MAGI2: variants seen among roughly 807,000 people sequenced by gnomAD.
MAGI2 encodes the protein membrane-associated guanylate kinase, WW and PDZ domain-containing protein 2.
In MAGI2, 35 loss-of-function variants were observed where a neutral mutation model predicts 133.3. The observed-to-expected ratio is 0.26, with a 90% CI of 0.20 to 0.35. MAGI2 has a LOEUF of 0.35. MAGI2 is among the 10% of genes least tolerant of loss of function. MAGI2 has a pLI of 1.00. For synonymous variants in MAGI2, 729 were observed against 710.6 expected (o/e 1.03, Z -0.41); for missense variants, 1,636 against 1,863.4 (o/e 0.88, Z 2.25).
intron 1 of MAGI2, among the ~76,000 whole-genome samples, chr7:79,287,397 T>C (rs1230708121): frequency 6.6e-6 from 1 of 152,112 alleles, no homozygotes; most frequent in Non-Finnish European, 1.5e-5. Context: ...TGTCCAAATA[T>C]ATTTCACCTT....
chr7:78,950,235 T>C (rs1801755402), intron 2 of MAGI2, among the ~76,000 whole-genome samples: 1 of 152,206 alleles, frequency 6.6e-6, no homozygotes, highest in African/African-American at 2.4e-5. Flanking sequence ...TTTTGATGTG[T>C]GTTGCTTGGA....
intron 2 of MAGI2, among the ~76,000 whole-genome samples, chr7:78,760,744 G>T (rs1022180249): frequency 2.0e-5 from 3 of 152,184 alleles, no homozygotes; most frequent in African/African-American, 7.2e-5. Context: ...ATATGTAAGT[G>T]TGTGTGCAAG....
At chr7:78,553,105 A>AAC (rs1554471573) in intron 3 of MAGI2, among the ~76,000 whole-genome samples, 8 of 151,668 alleles carry the variant, frequency 5.3e-5, no homozygotes, top group African/African-American at 1.5e-4. Context: ...AAAAAAAAAA[A>AAC]AAACAAACAC....
chr7:79,420,174 C>A (rs1846847756), intron 1 of MAGI2, among the ~76,000 whole-genome samples: 2 of 152,046 alleles, frequency 1.3e-5, no homozygotes, highest in Admixed American at 6.6e-5. Flanking sequence ...TATGCATCAA[C>A]TGACCTTTCA....
chr7:78,612,557 C>A (rs1370237681), intron 3 of MAGI2, among the ~76,000 whole-genome samples: 1 of 152,162 alleles, frequency 6.6e-6, no homozygotes, highest in African/African-American at 2.4e-5. Context: ...TACTTAGAGA[C>A]AAACATTTGT....
chr7:78,660,124 G>C (rs1346561315), intron 2 of MAGI2, among the ~76,000 whole-genome samples: 1 of 151,608 alleles, frequency 6.6e-6, no homozygotes, highest in Admixed American at 6.6e-5. Context: ...TCCTGTTGTG[G>C]GGTGGGGGGA....
chr7:79,111,084 A>G (rs1328857493), intron 1 of MAGI2, among the ~76,000 whole-genome samples: 4 of 152,226 alleles, frequency 2.6e-5, no homozygotes, highest in Admixed American at 2.0e-4. Flanking sequence ...GGTCTAATAC[A>G]TGACCTAATT....
At chr7:79,073,007 T>C (rs1406268942) in intron 1 of MAGI2, among the ~76,000 whole-genome samples, 1 of 151,852 alleles carries the variant, frequency 6.6e-6, no homozygotes, top group Non-Finnish European at 1.5e-5. Flanking sequence ...TTCTTTTCTG[T>C]AGGAGAGTCA....
chr7:79,128,431 T>C (rs899288389), intron 1 of MAGI2, among the ~76,000 whole-genome samples: 1 of 152,212 alleles, frequency 6.6e-6, no homozygotes, highest in Non-Finnish European at 1.5e-5. Context: ...TTTGAAAACA[T>C]TTTATTTTGA....
intron 2 of MAGI2, among the ~76,000 whole-genome samples, chr7:78,882,222 G>A (rs1292973261): frequency 6.7e-6 from 1 of 149,844 alleles, no homozygotes; most frequent in Admixed American, 6.7e-5. Context: ...AAAATCTCAA[G>A]GACTGTTATG....
intron 3 of MAGI2, among the ~76,000 whole-genome samples, chr7:78,568,938 C>G (rs1744447948): frequency 2.0e-5 from 3 of 152,152 alleles, no homozygotes; most frequent in Admixed American, 2.0e-4. Flanking sequence ...CTTGACCGTT[C>G]TGCACATGCT....
chr7:78,346,334 T>C (rs754114875), intron 7 of MAGI2, among the ~76,000 whole-genome samples: 1 of 152,224 alleles, frequency 6.6e-6, no homozygotes, highest in Non-Finnish European at 1.5e-5. Context: ...ACTGTGTTCA[T>C]TTGAGATGAG....
chr7:78,096,734 C>T (rs1029893262), intron 20 of MAGI2, among the ~76,000 whole-genome samples: 3 of 152,136 alleles, frequency 2.0e-5, no homozygotes, highest in Non-Finnish European at 4.4e-5. Context: ...TGAGTAGTTA[C>T]ATGAGAGACT....
At chr7:79,256,858 A>G (rs1187089519) in intron 1 of MAGI2, among the ~76,000 whole-genome samples, 1 of 152,132 alleles carries the variant, frequency 6.6e-6, no homozygotes, top group Non-Finnish European at 1.5e-5. Flanking sequence ...AGTAAAATCC[A>G]TATACTAAAT....
chr7:78,526,851 T>C (rs1489540991), intron 3 of MAGI2, among the ~76,000 whole-genome samples: 1 of 150,694 alleles, frequency 6.6e-6, no homozygotes, highest in African/African-American at 2.4e-5. Flanking sequence ...CTACTAAAAA[T>C]ACAAAAATTA....
In MAGI2 at chr7:79,222,018, G is replaced by T. The variant is rs535365186; in HGVS notation, c.302-214812C>A. Among the ~76,000 whole-genome samples, 4 of 152,118 alleles carry T rather than the reference G, an allele frequency of 2.6e-5. No homozygotes were observed. The South Asian group carries it at 8.3e-4, about 32-fold the overall frequency. ...AAACAGCTCACCCACTCATTGAAGG[G>T]TATAATACCATCTTGTGAATAATTA... On this transcript the variant is annotated intron_variant, in intron 1 of 21. Coordinates refer to ENST00000354212, the MANE Select transcript of MAGI2 (RefSeq NM_012301.4).
At chr7:78,791,286 T>C (rs1827222667) in intron 2 of MAGI2, among the ~76,000 whole-genome samples, 1 of 152,162 alleles carries the variant, frequency 6.6e-6, no homozygotes, top group Non-Finnish European at 1.5e-5. Context: ...AAGATGACAT[T>C]TTCTGCTTTG....
intron 1 of MAGI2, among the ~76,000 whole-genome samples, chr7:79,400,473 T>C (rs1845390895): frequency 6.6e-6 from 1 of 152,154 alleles, no homozygotes; most frequent in African/African-American, 2.4e-5. Flanking sequence ...AATTTACAGC[T>C]CACAGTTAAC....
intron 2 of MAGI2, among the ~76,000 whole-genome samples, chr7:78,767,383 T>G (rs772232199): frequency 2.0e-5 from 3 of 152,074 alleles, no homozygotes; most frequent in Non-Finnish European, 4.4e-5. Flanking sequence ...TCTGTTATCT[T>G]CAGAGTAAGC....
Sources: gnomAD v4.1 joint callset for allele counts (sites outside exome capture counted in the v4.1 genomes callset) on GRCh38, gnomAD v4.1.1 for gene constraint, MANE v1.5 for transcripts, NCBI Gene and HGNC (gene_info 2026-07-23, HGNC 2026-07-21) for gene names.